The following TRIM37 variants were observed in gnomAD, a reference collection of about 807,000 sequenced individuals.
TRIM37 encodes tripartite motif containing 37.
Under a neutral mutation model 129.8 loss-of-function variants are expected in TRIM37, and 80 were observed. The observed-to-expected ratio is 0.62, with a 90% confidence interval of 0.51 to 0.74. TRIM37 has a LOEUF of 0.74. Among genes scored for constraint, TRIM37 ranks in the 30% least tolerant of loss-of-function variants. The pLI is 0.00. For missense variants in TRIM37, 1,054 were observed against 1,176.5 expected, an observed-to-expected ratio of 0.90 and a Z score of 1.52; for synonymous variants, 389 against 387.1, an observed-to-expected ratio of 1.00 and a Z score of -0.06.
Position 59,106,579 on chromosome 17 carries a change from G to A in TRIM37, c.-118C>T, listed in dbSNP as rs1049502084. The A allele has an allele frequency of 2.3e-6, 3 of 1,285,862 alleles. No individual in the cohort carries two copies. The highest frequency in any genetic ancestry group is 3.3e-6 in the Non-Finnish European group (3 of 906,930). The allele number at this position is 1,285,862 out of a possible 1,614,324, so 79.7% of individuals were successfully genotyped here. On this transcript the variant is annotated 5_prime_UTR_variant, in exon 1 of 24. Coordinates refer to ENST00000262294, the MANE Select transcript of TRIM37 (RefSeq NM_015294.6). ...GATAAAAGCCCGGCGCCCACGTCAGGGGGCTCTGACAACCGCCCCACCTGC... is the reference window on the plus strand; with the variant it reads ...GATAAAAGCCCGGCGCCCACGTCAGAGGGCTCTGACAACCGCCCCACCTGC...
At chr17:58,980,091 C>T (rs1308141768), downstream of TRIM37, 1 of 1,614,114 alleles carries the variant, frequency 6.2e-7, no homozygotes, top group Admixed American at 1.7e-5. This position sits in a 1 kb window ranked among gnomAD's most constrained non-coding sequence, Gnocchi z 4.7. Flanking sequence ...ACCGTGAACC[C>T]TGATGAGGCA....
intron 12 of TRIM37, 91 bp downstream of exon 12, chr17:59,060,941 C>T (rs1040250322): frequency 5.9e-6 from 5 of 848,760 alleles, no homozygotes; most frequent in Middle Eastern, 4.3e-4. Context: ...CATACCAATA[C>T]AGTAATTAAC....
chr17:58,989,780 C>G (rs1414558159), intron 24 of TRIM37, among the ~76,000 whole-genome samples: 1 of 151,960 alleles, frequency 6.6e-6, no homozygotes, highest in Non-Finnish European at 1.5e-5. Context: ...AACTAGAATC[C>G]TAGAAGGAGA....
the TRIM37 span, among the ~76,000 whole-genome samples, chr17:58,976,771 A>G: frequency 6.6e-6 from 1 of 152,206 alleles, no homozygotes; most frequent in Non-Finnish European, 1.5e-5. Flanking sequence ...TTTTCTCTGT[A>G]CAAATCTTTG....
At chr17:59,087,215 C>T (rs1198237772) in intron 4 of TRIM37, among the ~76,000 whole-genome samples, 2 of 151,978 alleles carry the variant, frequency 1.3e-5, no homozygotes, top group Non-Finnish European at 2.9e-5. Context: ...CCTGCCTCAG[C>T]CCCCCAAGTA....
chr17:59,023,380 T>C, intron 19 of TRIM37, among the ~76,000 whole-genome samples: 1 of 152,098 alleles, frequency 6.6e-6, no homozygotes, highest in Non-Finnish European at 1.5e-5. Context: ...ACACAGCTTT[T>C]TTAACTTGAT....
At chr17:59,025,744 C>A (rs925862761) in intron 19 of TRIM37, among the ~76,000 whole-genome samples, 3 of 152,116 alleles carry the variant, frequency 2.0e-5, no homozygotes, top group African/African-American at 7.2e-5. Flanking sequence ...GTACAACAAG[C>A]CTGTGCTGTT....
intron 19 of TRIM37, among the ~76,000 whole-genome samples, chr17:59,026,042 C>T (rs1241930948): frequency 6.6e-6 from 1 of 152,088 alleles, no homozygotes; most frequent in Non-Finnish European, 1.5e-5. Context: ...GGATTATTCA[C>T]ATCACTATCA....
chr17:59,081,958 A>ATAATAATAATAAT (rs1555688920), intron 5 of TRIM37, among the ~76,000 whole-genome samples: 10 of 125,044 alleles, frequency 8.0e-5, no homozygotes, highest in African/African-American at 2.9e-4. Context: ...AAAAATAAAA[A>ATAATAATAATAAT]AAAAAAAATA....
chr17:59,067,115 C>T (rs1442668382), intron 9 of TRIM37, among the ~76,000 whole-genome samples: 2 of 152,188 alleles, frequency 1.3e-5, no homozygotes, highest in Non-Finnish European at 1.5e-5. Context: ...TCTCGGCTCA[C>T]TGATTTTGCA....
chr17:59,035,763 C>A (rs1967415), intron 17 of TRIM37, among the ~76,000 whole-genome samples: 50,303 of 147,562 alleles, frequency 0.34, 9,281 homozygotes, highest in East Asian at 0.52. Context: ...AAACAAAAAA[C>A]CAAAAAAACA....
At chr17:59,026,662 A>G (rs2037282718) in intron 19 of TRIM37, among the ~76,000 whole-genome samples, 2 of 152,166 alleles carry the variant, frequency 1.3e-5, no homozygotes, top group Non-Finnish European at 2.9e-5. Context: ...ACAAGAAACT[A>G]TTGACCCCGC....
At chr17:59,104,495 G>A in intron 1 of TRIM37, 101 bp from the exon 2 acceptor site, 2 of 1,048,018 alleles carry the variant, frequency 1.9e-6, no homozygotes, top group Non-Finnish European at 1.5e-6. Context: ...ATTTTGGGCT[G>A]ATCTCTCAAT....
In TRIM37 at chr17:59,017,399, G is replaced by A. The variant is rs770804633; in HGVS notation, c.2283C>T (p.Pro761=). 2.5e-6 allele frequency: 4 copies of A among 1,614,040 alleles called. No homozygotes were observed. Among genetic ancestry groups the A allele is most frequent in the Non-Finnish European group, 3.4e-6 (4 of 1,179,980 alleles). ...RNSTNKKSNS[P]KPARSSVAGS... ...CTGCTACACTGGATCGAGCTGGCTT[G>A]GGCGAATTACTCTTCTTATTTGTGG... The change falls in exon 20 of 24, where the codon CCC becomes CCT. Residue 761 remains proline (P), a synonymous_variant. Transcript: ENST00000262294.
intron 4 of TRIM37, chr17:59,087,923 A>G (rs144050738): frequency 5.6e-4 from 200 of 359,544 alleles, no homozygotes; most frequent in African/African-American, 3.9e-3. Flanking sequence ...ATGGAACATA[A>G]GACCATTTAT....
chr17:59,047,562 T>C (rs2039944553), intron 16 of TRIM37, 121 bp downstream of exon 16: 3 of 1,000,494 alleles, frequency 3.0e-6, no homozygotes, highest in Non-Finnish European at 4.5e-6. Context: ...GAGAGAAAAC[T>C]GACTATTGAT....
At chr17:59,015,082 A>G (rs1348820200) in intron 21 of TRIM37, among the ~76,000 whole-genome samples, 5 of 139,998 alleles carry the variant, frequency 3.6e-5, no homozygotes, top group Admixed American at 7.6e-5. Context: ...ATCTCAAAAA[A>G]AAAAAAAGTA....
chr17:59,005,504 C>T (rs935601013), intron 22 of TRIM37, among the ~76,000 whole-genome samples: 7 of 152,078 alleles, frequency 4.6e-5, no homozygotes, highest in Non-Finnish European at 1.0e-4. Context: ...AAGCTGGTCT[C>T]GAACTCCTGA....
In TRIM37 at chr17:59,015,803, C is replaced by CA. The variant is rs774839541; in HGVS notation, c.2387-5dup. 2.5e-6 allele frequency: 4 copies of CA among 1,611,482 alleles called. No individual in the cohort carries two copies. Among genetic ancestry groups the CA allele is most frequent in the East Asian group, 4.5e-5 (2 of 44,804 alleles). Reference sequence around the variant, plus strand: ...GACTGAGAGCTTCCTGGGGAGCCTTCAAAAAAAGGAAGATGGAATACAAAA... The same window carrying CA: ...GACTGAGAGCTTCCTGGGGAGCCTTCAAAAAAAAGGAAGATGGAATACAAAA... On this transcript the variant is annotated splice_region_variant and splice_polypyrimidine_tract_variant and intron_variant, in intron 20 of 23. Coordinates refer to ENST00000262294, the MANE Select transcript of TRIM37 (RefSeq NM_015294.6).
Sources: allele counts gnomAD v4.1 joint callset (sites outside exome capture counted in the v4.1 genomes callset), GRCh38; gene constraint gnomAD v4.1.1; non-coding constraint Gnocchi (gnomAD v3.1); transcripts MANE v1.5; gene names NCBI Gene and HGNC (gene_info 2026-07-23, HGNC 2026-07-21).